PAK4: variants seen among roughly 807,000 people sequenced by gnomAD.
PAK4 encodes the protein serine/threonine-protein kinase PAK 4.
A neutral mutation model predicts 53.5 loss-of-function variants in PAK4; 49 were observed. That is an observed-to-expected ratio of 0.92 (90% CI 0.73 to 1.16). PAK4 has a LOEUF of 1.16. Ranked by LOEUF, PAK4 falls within the 50% of genes most tolerant of loss-of-function variation. PAK4 has a pLI of 0.00. For synonymous variants in PAK4, 376 were observed against 375.6 expected (o/e 1.00, Z -0.01); for missense variants, 824 against 850.7 (o/e 0.97, Z 0.39).
In PAK4 at chr19:39,173,226, G is replaced by A; in HGVS notation, c.513G>A (p.Gln171=). The A allele has an allele frequency of 6.4e-7, 1 of 1,566,332 alleles. No homozygotes were observed. Among genetic ancestry groups the A allele is most frequent in the Non-Finnish European group, 8.7e-7 (1 of 1,155,702 alleles). ...CCAGGGAGGGCTCAGGGGGTCCCCA[G>A]GAGTCCTCCCGGGACAAACGCCCCC... The change falls in exon 3 of 9, where the codon CAG becomes CAA. Residue 171 remains glutamine, a synonymous_variant. Coordinates refer to ENST00000358301, the Ensembl canonical transcript of PAK4. The surrounding 1 kb of genome is among the most constrained non-coding windows in gnomAD (Gnocchi z 6.9).
intron 1 of PAK4, among the ~76,000 whole-genome samples, chr19:39,147,282 T>C (rs2074016574): frequency 6.6e-6 from 1 of 152,220 alleles, no homozygotes. Flanking sequence ...CCTTTTTGCA[T>C]TGACTTTATC....
intron 1 of PAK4, among the ~76,000 whole-genome samples, chr19:39,138,850 G>C (rs1454812958): frequency 1.3e-5 from 2 of 152,340 alleles, no homozygotes; most frequent in East Asian, 3.9e-4. Flanking sequence ...AAGCAGCTCA[G>C]CTGGGGTCTC....
intron 1 of PAK4, among the ~76,000 whole-genome samples, chr19:39,141,922 C>G (rs539552600): frequency 1.3e-5 from 2 of 152,234 alleles, no homozygotes; most frequent in Admixed American, 6.5e-5. Context: ...CCACGGCGCC[C>G]GGCCCATTTG....
intron 1 of PAK4, among the ~76,000 whole-genome samples, chr19:39,128,455 G>A (rs949226392): frequency 6.6e-5 from 10 of 152,194 alleles, no homozygotes; most frequent in African/African-American, 2.4e-4. Flanking sequence ...CAGCCTTGCA[G>A]TGCCAGCTCA....
chr19:39,152,698 C>T (rs1275407011), intron 1 of PAK4, among the ~76,000 whole-genome samples: 2 of 152,122 alleles, frequency 1.3e-5, no homozygotes, highest in African/African-American at 4.8e-5. Context: ...AAAGGCATTA[C>T]GTTTGGGGGG....
In PAK4 at chr19:39,173,423, C is replaced by T; in HGVS notation, c.663+47C>T. 1 of 1,427,464 alleles carries T rather than the reference C, an allele frequency of 7.0e-7. No individual in the cohort carries two copies. Among genetic ancestry groups the T allele is most frequent in the Non-Finnish European group, 9.4e-7 (1 of 1,068,182 alleles). The allele number at this position is 1,427,464 out of a possible 1,614,324, so 88.4% of individuals were successfully genotyped here. The stretch of plus-strand genomic sequence containing the variant: ...GGCCCCCACTGTCCCCTGCCCGTTG[C>T]TCCTCTGTCCCCACCTTCCAGCCCC... On this transcript the variant is annotated intron_variant, in intron 3 of 8. Transcript: ENST00000358301. The surrounding 1 kb of genome is among the most constrained non-coding windows in gnomAD (Gnocchi z 6.9).
intron 1 of PAK4, among the ~76,000 whole-genome samples, chr19:39,150,065 G>T (rs1245265183): frequency 6.6e-6 from 1 of 152,104 alleles, no homozygotes; most frequent in Admixed American, 6.6e-5. Context: ...TATACTTACA[G>T]ATGGTTAACA....
intron 1 of PAK4, among the ~76,000 whole-genome samples, chr19:39,144,793 T>C (rs1442302525): frequency 2.0e-5 from 3 of 152,214 alleles, no homozygotes; most frequent in Middle Eastern, 3.4e-3. Flanking sequence ...TGTGTGTGTG[T>C]GCACTTGTGC....
rs911815898 is a variant in PAK4, at chr19:39,132,222, C to T, written c.-23+6303C>T. Among the ~76,000 whole-genome samples the T allele has an allele frequency of 3.3e-5, 5 of 152,186 alleles. No individual in the cohort carries two copies. The East Asian group carries it at 5.8e-4, about 18-fold the overall frequency. On this transcript the variant is annotated intron_variant, in intron 1 of 8. Transcript: ENST00000358301. ...CCCGTGTTTCAATTTTCAGAAAGCA[C>T]GTTTTTCCTCCATGTGCATGCATTA...
intron 1 of PAK4, among the ~76,000 whole-genome samples, chr19:39,148,465 G>GTTTTTTTTTTTT (rs1568506439): frequency 1.9e-3 from 17 of 9,118 alleles, no homozygotes; most frequent in Admixed American, 6.5e-3. Flanking sequence ...AGTTTCTTCT[G>GTTTTTTTTTTTT]CTTTTTTTTT....
rs185258201 is a variant in PAK4, at chr19:39,142,964, A to G, written c.-23+17045A>G. ...GCTCCCTTCCAGCCACTCGGATTCC[A>G]GTCCTGGGGGCCTCCTCACTGACCA... is the stretch of plus-strand genomic sequence containing the variant. On this transcript the variant is annotated intron_variant, in intron 1 of 8. Transcript: ENST00000358301. Among the ~76,000 whole-genome samples, 499 of 152,102 alleles carry G rather than the reference A, an allele frequency of 3.3e-3. 1 individual carries two copies. Among genetic ancestry groups the G allele is most frequent in the African/African-American group, 0.012 (479 of 41,490 alleles).
chr19:39,161,595 T>C lies in PAK4; in HGVS notation c.-22-7937T>C, dbSNP rs2074285178. ...GCCCCCACAGACTGTTCCCAGCCAG[T>C]GGGAGCCTGTGAACTCCTGAGTCAG... On this transcript the variant is annotated intron_variant, in intron 1 of 8. Coordinates refer to ENST00000358301, the Ensembl canonical transcript of PAK4. The surrounding 1 kb of genome is among the most constrained non-coding windows in gnomAD (Gnocchi z 4.5). Among the ~76,000 whole-genome samples the C allele has an allele frequency of 6.6e-6, 1 of 151,998 alleles. No homozygotes were observed. Among genetic ancestry groups the C allele is most frequent in the Non-Finnish European group, 1.5e-5 (1 of 67,942 alleles).
chr19:39,166,902 G>A (rs974692850), intron 1 of PAK4, among the ~76,000 whole-genome samples: 2 of 152,208 alleles, frequency 1.3e-5, no homozygotes, highest in Non-Finnish European at 2.9e-5. Context: ...AACATGTTCA[G>A]TTCCTCTGTT....
chr19:39,155,764 C>G (rs1352094730), intron 1 of PAK4, among the ~76,000 whole-genome samples: 1 of 152,154 alleles, frequency 6.6e-6, no homozygotes, highest in Non-Finnish European at 1.5e-5. Flanking sequence ...CAGCGCCTGA[C>G]CTCCCCTCGG....
intron 1 of PAK4, among the ~76,000 whole-genome samples, chr19:39,134,049 G>A (rs924431240): frequency 1.3e-5 from 2 of 151,924 alleles, no homozygotes; most frequent in Admixed American, 6.6e-5. Context: ...CTTCTCTCCC[G>A]AGGAACCCTC....
chr19:39,134,524 T>G (rs1180530289), intron 1 of PAK4, among the ~76,000 whole-genome samples: 1 of 149,974 alleles, frequency 6.7e-6, no homozygotes, highest in Non-Finnish European at 1.5e-5. Flanking sequence ...GTCTGTGCTT[T>G]CTTTCGCCCT....
intron 1 of PAK4, among the ~76,000 whole-genome samples, chr19:39,126,721 G>C (rs1487324341): frequency 6.6e-6 from 1 of 152,120 alleles, no homozygotes; most frequent in Admixed American, 6.5e-5. Context: ...TGCTCTGGCC[G>C]ACCGCCTCTC....
At chr19:39,132,789 G>A (rs1188609013) in intron 1 of PAK4, among the ~76,000 whole-genome samples, 3 of 152,200 alleles carry the variant, frequency 2.0e-5, no homozygotes, top group Non-Finnish European at 4.4e-5. Context: ...TGATGACACC[G>A]GGGTTTCCTC....
intron 2 of PAK4, among the ~76,000 whole-genome samples, chr19:39,172,713 G>A (rs577833017): frequency 7.2e-5 from 11 of 152,182 alleles, no homozygotes; most frequent in South Asian, 6.2e-4. Flanking sequence ...TGGCCATGGC[G>A]ATCACTCCTC....
Sources: gnomAD v4.1 joint callset for allele counts (sites outside exome capture counted in the v4.1 genomes callset) on GRCh38, gnomAD v4.1.1 for gene constraint, Gnocchi (gnomAD v3.1) non-coding constraint, MANE v1.5 for transcripts, NCBI Gene and HGNC (gene_info 2026-07-23, HGNC 2026-07-21) for gene names.